FYB1: variants seen among roughly 807,000 people sequenced by gnomAD.
FYB1 encodes the protein FYN binding protein 1.
A neutral mutation model predicts 94.1 loss-of-function variants in FYB1; 41 were observed. That is an observed-to-expected ratio of 0.44 (90% CI 0.34 to 0.57). FYB1 has a LOEUF of 0.57. Among genes scored for constraint, FYB1 ranks in the 20% least tolerant of loss-of-function variants. The pLI is 0.02. For missense variants in FYB1, 1,050 were observed against 976.8 expected, an observed-to-expected ratio of 1.07 and a Z score of -1.00; for synonymous variants, 367 against 353.2, an observed-to-expected ratio of 1.04 and a Z score of -0.44.
At chr5:39,225,614 G>A (rs576242717) in intron 1 of FYB1, among the ~76,000 whole-genome samples, 10 of 152,180 alleles carry the variant, frequency 6.6e-5, no homozygotes, top group African/African-American at 1.4e-4. Context: ...CATCTTGTAC[G>A]AAATTTTTCT....
At chr5:39,151,323 T>C (rs1362135571) in intron 3 of FYB1, among the ~76,000 whole-genome samples, 1 of 152,208 alleles carries the variant, frequency 6.6e-6, no homozygotes, top group Non-Finnish European at 1.5e-5. Context: ...AGGGTCTTGC[T>C]CTGTCACCCA....
chr5:39,146,206 C>T (rs1001137813), intron 3 of FYB1, among the ~76,000 whole-genome samples: 6 of 152,136 alleles, frequency 3.9e-5, no homozygotes, highest in Non-Finnish European at 8.8e-5. Flanking sequence ...TGAGACACTG[C>T]ACCTGGCCTC....
intron 1 of FYB1, among the ~76,000 whole-genome samples, chr5:39,248,935 T>G (rs1187428468): frequency 6.6e-6 from 1 of 152,220 alleles, no homozygotes; most frequent in East Asian, 1.9e-4. Context: ...TGGTAGCCAT[T>G]AGCCACATGT....
intron 9 of FYB1, among the ~76,000 whole-genome samples, chr5:39,131,808 C>A (rs560601446): frequency 1.3e-5 from 2 of 152,112 alleles, no homozygotes; most frequent in Non-Finnish European, 2.9e-5. Context: ...GATTTTTATA[C>A]CAATTTCCAA....
At chr5:39,249,465 C>T (rs1231886962) in intron 1 of FYB1, among the ~76,000 whole-genome samples, 1 of 152,144 alleles carries the variant, frequency 6.6e-6, no homozygotes, top group African/African-American at 2.4e-5. Flanking sequence ...TGGATTTGTT[C>T]ACAGCCATAG....
intron 3 of FYB1, among the ~76,000 whole-genome samples, chr5:39,142,395 A>T (rs1241633117): frequency 6.6e-6 from 1 of 152,096 alleles, no homozygotes; most frequent in Non-Finnish European, 1.5e-5. Context: ...CCACAAACTC[A>T]TCTGCAGTTA....
chr5:39,179,610 A>T (rs537258106), intron 2 of FYB1, among the ~76,000 whole-genome samples: 1 of 146,304 alleles, frequency 6.8e-6, no homozygotes, highest in Non-Finnish European at 1.5e-5. Flanking sequence ...CAGTGGTGCG[A>T]TCTCAACTCA....
intron 1 of FYB1, among the ~76,000 whole-genome samples, chr5:39,240,111 T>A (rs1645737): frequency 6.6e-6 from 1 of 151,988 alleles, no homozygotes; most frequent in African/African-American, 2.4e-5. Context: ...TGGGATAACT[T>A]GCTAGCCACA....
chr5:39,265,722 G>T (rs942829922), intron 1 of FYB1, among the ~76,000 whole-genome samples: 1 of 152,140 alleles, frequency 6.6e-6, no homozygotes, highest in African/African-American at 2.4e-5. Context: ...GACCCTCCCA[G>T]TGATTCTCAT....
At chr5:39,209,540 G>C (rs141315508) in intron 1 of FYB1, among the ~76,000 whole-genome samples, 13,660 of 152,138 alleles carry the variant, frequency 0.09, 703 homozygotes, top group Non-Finnish European at 0.11. Context: ...TGGCCAGGCT[G>C]GTCTTGAACT....
At chr5:39,193,044 C>A (rs561642685) in intron 2 of FYB1, among the ~76,000 whole-genome samples, 27 of 152,284 alleles carry the variant, frequency 1.8e-4, no homozygotes, top group African/African-American at 6.5e-4. Flanking sequence ...AGAGGGCAGA[C>A]TCTATCACAG....
chr5:39,214,760 T>C (rs528075523), intron 1 of FYB1, among the ~76,000 whole-genome samples: 1 of 152,248 alleles, frequency 6.6e-6, no homozygotes, highest in South Asian at 2.1e-4. Flanking sequence ...AAAACCCATC[T>C]CTACTAAAAA....
At chr5:39,151,589 CCT>C (rs1308399370) in intron 3 of FYB1, among the ~76,000 whole-genome samples, 1 of 152,174 alleles carries the variant, frequency 6.6e-6, no homozygotes, top group Non-Finnish European at 1.5e-5. Context: ...CATGCCCAGC[CCT>C]GTTTATTATT....
intron 1 of FYB1, among the ~76,000 whole-genome samples, chr5:39,274,087 G>A (rs1453278314): frequency 6.6e-6 from 1 of 152,032 alleles, no homozygotes; most frequent in Non-Finnish European, 1.5e-5. Flanking sequence ...ACCACACCTG[G>A]CTAATTTTTG....
chr5:39,237,871 T>C (rs1268070882), intron 1 of FYB1, among the ~76,000 whole-genome samples: 1 of 152,132 alleles, frequency 6.6e-6, no homozygotes, highest in Admixed American at 6.6e-5. Context: ...AAAGCATCAC[T>C]CAGGGAATGC....
Position 39,132,901 on chromosome 5 carries a change from C to A in FYB1, c.1817+1307G>T, listed in dbSNP as rs141289810. Among the ~76,000 whole-genome samples the A allele has an allele frequency of 6.0e-3, 908 of 152,270 alleles. 8 individuals carry two copies. The highest frequency in any genetic ancestry group is 9.5e-3 in the Non-Finnish European group (645 of 68,022). On this transcript the variant is annotated intron_variant, in intron 9 of 18. Coordinates refer to ENST00000512982, the MANE Select transcript of FYB1 (RefSeq NM_001465.6). The stretch of plus-strand genomic sequence containing the variant: ...TGTGACGATTTGGAACTTCATCTGG[C>A]CTCAAAACTGGCATTTACTGACTCA...
intron 2 of FYB1, among the ~76,000 whole-genome samples, chr5:39,175,357 A>T (rs1053148835): frequency 3.3e-5 from 5 of 152,222 alleles, no homozygotes; most frequent in African/African-American, 1.2e-4. Flanking sequence ...GATGACTCTG[A>T]TATAAGCGGT....
intron 12 of FYB1, among the ~76,000 whole-genome samples, chr5:39,125,340 A>T (rs1193793687): frequency 6.6e-6 from 1 of 152,182 alleles, no homozygotes; most frequent in Non-Finnish European, 1.5e-5. Context: ...TTTCAAATTC[A>T]TATGTATGGA....
chr5:39,227,669 G>A (rs1750540787), intron 1 of FYB1, among the ~76,000 whole-genome samples: 1 of 152,192 alleles, frequency 6.6e-6, no homozygotes, highest in African/African-American at 2.4e-5. Flanking sequence ...ATTCTCTGAT[G>A]CAACAATTTG....
Sources: allele counts gnomAD v4.1 joint callset (sites outside exome capture counted in the v4.1 genomes callset), GRCh38; gene constraint gnomAD v4.1.1; transcripts MANE v1.5; gene names NCBI Gene and HGNC (gene_info 2026-07-23, HGNC 2026-07-21).